The following BTBD16 variants were observed in gnomAD, a reference collection of about 807,000 sequenced individuals.
BTBD16 encodes the protein BTB domain containing 16.
BTBD16 carries 66 observed loss-of-function variants against 67.4 expected under a neutral mutation model. That is an observed-to-expected ratio of 0.98 (90% CI 0.80 to 1.20). BTBD16 has a LOEUF of 1.20. BTBD16 is among the 50% of genes most tolerant of loss of function. The pLI is 0.00. For missense variants in BTBD16, 634 were observed against 616.0 expected, an observed-to-expected ratio of 1.03 and a Z score of -0.31; for synonymous variants, 242 against 236.4, an observed-to-expected ratio of 1.02 and a Z score of -0.22.
intron 10 of BTBD16, among the ~76,000 whole-genome samples, chr10:122,319,183 T>C (rs1282977418): frequency 6.6e-6 from 1 of 152,202 alleles, no homozygotes; most frequent in Non-Finnish European, 1.5e-5. Flanking sequence ...TACTTATATT[T>C]TCATTTTCAA....
chr10:122,312,145 G>A (rs1157427897), intron 10 of BTBD16, among the ~76,000 whole-genome samples: 1 of 152,120 alleles, frequency 6.6e-6, no homozygotes, highest in Non-Finnish European at 1.5e-5. Flanking sequence ...GAATTACTAT[G>A]TCATAGGGTA....
At chr10:122,336,142 A>G (rs1314929221) in intron 14 of BTBD16, among the ~76,000 whole-genome samples, 1 of 152,192 alleles carries the variant, frequency 6.6e-6, no homozygotes, top group Non-Finnish European at 1.5e-5. Context: ...TCCCTACACA[A>G]TGAATTCTTC....
At chr10:122,287,367 A>G in intron 5 of BTBD16, 1 of 934,872 alleles carries the variant, frequency 1.1e-6, no homozygotes, top group Middle Eastern at 5.5e-4. Flanking sequence ...AAATGGAGTC[A>G]TTAACGTTAC....
chr10:122,291,159 C>G lies in BTBD16; in HGVS notation c.555C>G (p.Ser185=). The change falls in exon 7 of 16, where the codon TCC becomes TCG. Residue 185 remains serine (S), a synonymous_variant. Coordinates refer to ENST00000260723, the MANE Select transcript of BTBD16 (RefSeq NM_144587.5). Reference sequence around the variant, plus strand: ...AAGACCTACTGGGAGTGCTGGCTTCCGCCCACATCCTCCAGTTCAGTGGCC... The same window carrying G: ...AAGACCTACTGGGAGTGCTGGCTTCGGCCCACATCCTCCAGTTCAGTGGCC... The part of the protein sequence containing the change: ...NLEDLLGVLA[S]AHILQFSGLF... 1 of 1,613,780 alleles carries G rather than the reference C, an allele frequency of 6.2e-7. No homozygotes were observed. The highest frequency in any genetic ancestry group is 8.5e-7 in the Non-Finnish European group (1 of 1,179,874).
chr10:122,303,315 G>T (rs1005149295), intron 9 of BTBD16, among the ~76,000 whole-genome samples: 2 of 152,118 alleles, frequency 1.3e-5, no homozygotes, highest in Non-Finnish European at 2.9e-5. Context: ...GAATAATATT[G>T]CTTTAAAAGA....
chr10:122,271,502 G>A lies in BTBD16; in HGVS notation c.-55G>A, dbSNP rs531378485. ...GTAAACACGCCTGTGGTGGGCAAAA[G>A]GGCTTTGGAACGGTAAGTACAATGG... is the stretch of plus-strand genomic sequence containing the variant. On this transcript the variant is annotated 5_prime_UTR_variant, in exon 1 of 16. Coordinates refer to ENST00000260723, the MANE Select transcript of BTBD16 (RefSeq NM_144587.5). The A allele has an allele frequency of 2.0e-5, 3 of 152,440 alleles. No homozygotes were observed. The East Asian group carries it at 5.8e-4, about 29-fold the overall frequency. The allele number at this position is 152,440 out of a possible 1,614,324, so 9.4% of individuals were successfully genotyped here.
intron 10 of BTBD16, among the ~76,000 whole-genome samples, chr10:122,328,341 C>A (rs2096448980): frequency 6.6e-6 from 1 of 152,294 alleles, no homozygotes; most frequent in South Asian, 2.1e-4. Flanking sequence ...GCTCTGTCCA[C>A]CTCCAGAGAC....
At chr10:122,326,997 T>C (rs1048077470) in intron 10 of BTBD16, among the ~76,000 whole-genome samples, 1 of 152,178 alleles carries the variant, frequency 6.6e-6, no homozygotes, top group Non-Finnish European at 1.5e-5. Flanking sequence ...ACCATGTGAA[T>C]GTACTCACCA....
At chr10:122,289,873 C>T (rs1468900545) in intron 5 of BTBD16, 36 bp from the exon 6 acceptor site, 1 of 1,554,986 alleles carries the variant, frequency 6.4e-7, no homozygotes, top group Admixed American at 1.7e-5. Context: ...CCACGGTTAT[C>T]ACATCCTGCC....
intron 14 of BTBD16, 131 bp downstream of exon 14, chr10:122,335,110 C>G (rs2096461503): frequency 3.6e-6 from 2 of 551,546 alleles, no homozygotes; most frequent in Admixed American, 3.7e-5. Context: ...TAAGTGCTAA[C>G]CACGCTCATG....
At chr10:122,321,952 G>A (rs2096436155) in intron 10 of BTBD16, among the ~76,000 whole-genome samples, 3 of 152,018 alleles carry the variant, frequency 2.0e-5, no homozygotes, top group Non-Finnish European at 4.4e-5. Flanking sequence ...GATTTTTATA[G>A]TTTTAGGCCT....
At chr10:122,289,782 A>T in intron 5 of BTBD16, 127 bp from the exon 6 acceptor site, 1 of 565,940 alleles carries the variant, frequency 1.8e-6, no homozygotes, top group Non-Finnish European at 3.1e-6. Context: ...ACATCTATGA[A>T]ACAAATAAAA....
intron 15 of BTBD16, among the ~76,000 whole-genome samples, chr10:122,336,939 G>A (rs1432623213): frequency 6.6e-6 from 1 of 152,152 alleles, no homozygotes; most frequent in Non-Finnish European, 1.5e-5. Flanking sequence ...TATTTTATAA[G>A]CATCAAAGGG....
intron 11 of BTBD16, among the ~76,000 whole-genome samples, chr10:122,330,713 T>G (rs902071010): frequency 1.3e-5 from 2 of 152,110 alleles, no homozygotes; most frequent in African/African-American, 4.8e-5. Context: ...ATAAGGTGGT[T>G]TTTTGTGTTG....
chr10:122,284,426 G>A (rs2096359300), intron 4 of BTBD16, among the ~76,000 whole-genome samples: 1 of 150,572 alleles, frequency 6.6e-6, no homozygotes, highest in Admixed American at 6.7e-5. Flanking sequence ...TCCAGCCTGG[G>A]TGACAGAGCA....
chr10:122,326,445 C>T (rs991258717), intron 10 of BTBD16, among the ~76,000 whole-genome samples: 7 of 152,148 alleles, frequency 4.6e-5, no homozygotes, highest in Admixed American at 1.3e-4. Context: ...TTCACCCTTG[C>T]GCCTGGCTTA....
At chr10:122,316,852 A>C (rs915828921) in intron 10 of BTBD16, among the ~76,000 whole-genome samples, 1 of 151,340 alleles carries the variant, frequency 6.6e-6, no homozygotes, top group Admixed American at 6.6e-5. Flanking sequence ...GCAACGGCGC[A>C]ATCTCGGTTC....
At chr10:122,334,493 CCT>C (rs2096460171) in intron 13 of BTBD16, among the ~76,000 whole-genome samples, 3 of 88,300 alleles carry the variant, frequency 3.4e-5, no homozygotes, top group Admixed American at 2.8e-4. Context: ...CCGTGCCCGG[CCT>C]TTTTTTTTTT....
rs768216111 is a variant in BTBD16 at position 122,307,289 on chromosome 10, G to A, written c.892G>A (p.Val298Met). 138 of 1,605,312 alleles carry A rather than the reference G, an allele frequency of 8.6e-5. No individual in the cohort carries two copies. The highest frequency in any genetic ancestry group is 6.6e-4 in the Middle Eastern group (4 of 6,036). ...KIQAIPTYET[V>M]MTFFKSFPEN... ...TCAGGCAATTCCGACTTATGAAACC[G>A]TGATGACATTTTTTAAGAGGTAATA... Residue 298 changes from valine (V) to methionine (M), a missense_variant, in exon 10 of 16, where the codon GTG (valine) becomes ATG (methionine). By Grantham distance (21) the Val-to-Met change is conservative (BLOSUM62 1). Coordinates refer to ENST00000260723, the MANE Select transcript of BTBD16 (RefSeq NM_144587.5).
Sources: allele counts gnomAD v4.1 joint callset (sites outside exome capture counted in the v4.1 genomes callset), GRCh38; gene constraint gnomAD v4.1.1; transcripts MANE v1.5; gene names NCBI Gene and HGNC (gene_info 2026-07-23, HGNC 2026-07-21).